Variants in TEKT3 observed in about 807,000 individuals in gnomAD.
The protein encoded by TEKT3 is tektin-3.
Under a neutral mutation model 49.8 loss-of-function variants are expected in TEKT3, and 49 were observed. The ratio of observed to expected loss-of-function variants is 0.98; its 90% CI spans 0.78 to 1.25. The LOEUF is 1.25. Among genes scored for constraint, TEKT3 ranks in the 50% most tolerant of loss-of-function variants. The pLI is 0.00. For missense variants in TEKT3, 595 were observed against 629.5 expected, an observed-to-expected ratio of 0.95 and a Z score of 0.59; for synonymous variants, 225 against 237.2, an observed-to-expected ratio of 0.95 and a Z score of 0.47.
intron 6 of TEKT3, 25 bp from the exon 7 acceptor site, chr17:15,312,506 CA>C: frequency 6.2e-7 from 1 of 1,605,444 alleles, no homozygotes; most frequent in African/African-American, 1.3e-5. Flanking sequence ...CAGAAGCAGA[CA>C]ACAGTGAGAG....
chr17:15,306,503 A>G (rs567267917), intron 8 of TEKT3, among the ~76,000 whole-genome samples: 1 of 152,138 alleles, frequency 6.6e-6, no homozygotes, highest in African/African-American at 2.4e-5. Flanking sequence ...AAATAGACAT[A>G]CCATGAAGTC....
chr17:15,317,096 C>T (rs942257434), intron 5 of TEKT3, among the ~76,000 whole-genome samples: 1 of 152,126 alleles, frequency 6.6e-6, no homozygotes, highest in Non-Finnish European at 1.5e-5. Context: ...CAGTGGCCGC[C>T]CCACAAATCC....
intron 2 of TEKT3, among the ~76,000 whole-genome samples, chr17:15,332,071 C>A (rs1019142554): frequency 3.5e-5 from 5 of 144,176 alleles, no homozygotes; most frequent in African/African-American, 7.9e-5. Context: ...CCCATCTACT[C>A]AGGAGGCTGA....
intron 7 of TEKT3, among the ~76,000 whole-genome samples, chr17:15,309,064 C>T (rs1221312275): frequency 6.6e-6 from 1 of 152,126 alleles, no homozygotes; most frequent in East Asian, 1.9e-4. Flanking sequence ...GGCTTGGCAA[C>T]CTCATTTTGG....
intron 7 of TEKT3, 148 bp from the exon 8 acceptor site, chr17:15,308,966 C>T: frequency 1.0e-6 from 1 of 961,136 alleles, no homozygotes; most frequent in Non-Finnish European, 1.5e-6. Context: ...CTATCCTTTC[C>T]AGCCCTGCCC....
At chr17:15,312,710 C>T (rs529643116) in intron 6 of TEKT3, among the ~76,000 whole-genome samples, 2 of 152,256 alleles carry the variant, frequency 1.3e-5, no homozygotes, top group South Asian at 4.2e-4. Context: ...GTTCTTCTGC[C>T]AGTTTCAAGG....
At chr17:15,328,635 A>G (rs1256484803) in intron 3 of TEKT3, among the ~76,000 whole-genome samples, 1 of 152,174 alleles carries the variant, frequency 6.6e-6, no homozygotes, top group Non-Finnish European at 1.5e-5. Flanking sequence ...CCATACTCCT[A>G]TTACTACTTT....
At chr17:15,333,736 ATTTTATTTTATTT>A (rs1034322639) in intron 2 of TEKT3, among the ~76,000 whole-genome samples, 1 of 63,376 alleles carries the variant, frequency 1.6e-5, no homozygotes, top group Non-Finnish European at 2.7e-5. Context: ...ATTTTATTTT[ATTTTATTTTATTT>A]TATTTTATTT....
intron 7 of TEKT3, among the ~76,000 whole-genome samples, chr17:15,309,442 G>A (rs230895): frequency 0.48 from 73,563 of 151,734 alleles, 18,008 homozygotes; most frequent in South Asian, 0.53. Context: ...CCCAAATTGC[G>A]TAAACATGGA....
chr17:15,326,165 G>A (rs961784283), intron 4 of TEKT3, among the ~76,000 whole-genome samples: 23 of 152,184 alleles, frequency 1.5e-4, no homozygotes, highest in Non-Finnish European at 2.2e-4. Context: ...GCAGGGTGTT[G>A]ATGCCGTGTG....
At chr17:15,332,236 A>G (rs1286691009) in intron 2 of TEKT3, among the ~76,000 whole-genome samples, 1 of 152,182 alleles carries the variant, frequency 6.6e-6, no homozygotes, top group Non-Finnish European at 1.5e-5. Flanking sequence ...AAACCATGAT[A>G]GACTAATAAA....
upstream of TEKT3, among the ~76,000 whole-genome samples, chr17:15,342,357 A>T (rs1912260580): frequency 6.6e-6 from 1 of 152,242 alleles, no homozygotes; most frequent in Non-Finnish European, 1.5e-5. Context: ...TCCATGAGGC[A>T]GCAGTCTAAC....
chr17:15,331,101 T>C lies in TEKT3; in HGVS notation c.485A>G (p.His162Arg), dbSNP rs1911709391. 1.2e-6 allele frequency: 2 copies of C among 1,614,088 alleles called. No individual in the cohort carries two copies. The highest frequency in any genetic ancestry group is 1.3e-5 in the African/African-American group (1 of 74,932). Residue 162 changes from histidine to arginine, a missense_variant, in exon 3 of 9, where the codon CAT (histidine) becomes CGT (arginine). Physicochemically the swap from His to Arg is conservative, Grantham distance 29. Transcript: ENST00000395930. ...CTCTCCAATCATTTCATCCAACTCA[T>C]GAATGATTTCAGATTTCCAAAACCC... ...DIGFWKSEIIHELDEMIGETN... is the reference protein window; with the variant it reads ...DIGFWKSEIIRELDEMIGETN...
chr17:15,330,503 C>T (rs1201376441), intron 3 of TEKT3, among the ~76,000 whole-genome samples: 1 of 152,114 alleles, frequency 6.6e-6, no homozygotes, highest in East Asian at 1.9e-4. Flanking sequence ...CACCCTCCCC[C>T]GTTCTCTCTT....
rs955421614 is a variant in TEKT3 at position 15,307,066 on chromosome 17, G to A, written c.1256+1598C>T. 2.6e-5 allele frequency: 4 copies of A among 152,256 alleles called. No individual in the cohort carries two copies. In the East Asian group the frequency reaches 7.7e-4, roughly 29 times the overall value. 9.4% of individuals were successfully genotyped at this position (152,256 alleles called of 1,614,324 possible). On this transcript the variant is annotated intron_variant, in intron 8 of 8. Transcript: ENST00000395930. ...GAGAAATACAACTCATCCTGGAAAT[G>A]AAGATCATTTGCGTACAACCTAAAG...
At chr17:15,338,819 C>A (rs1912109372) in intron 2 of TEKT3, among the ~76,000 whole-genome samples, 1 of 151,700 alleles carries the variant, frequency 6.6e-6, no homozygotes, top group South Asian at 2.1e-4. Flanking sequence ...CCCAGCCAGT[C>A]AATTCTTAAG....
intron 4 of TEKT3, 99 bp from the exon 5 acceptor site, chr17:15,319,246 C>A (rs1911150961): frequency 5.0e-6 from 5 of 999,380 alleles, no homozygotes; most frequent in Non-Finnish European, 7.3e-6. Context: ...AATTTTGTTT[C>A]TTAAAATACT....
intron 2 of TEKT3, among the ~76,000 whole-genome samples, chr17:15,331,837 G>C (rs1266896737): frequency 6.6e-6 from 1 of 151,674 alleles, no homozygotes; most frequent in African/African-American, 2.4e-5. Flanking sequence ...CATTTTTATT[G>C]GCCATTTGGA....
intron 2 of TEKT3, among the ~76,000 whole-genome samples, chr17:15,333,354 T>C (rs1478667521): frequency 6.6e-6 from 1 of 152,240 alleles, no homozygotes; most frequent in Non-Finnish European, 1.5e-5. Flanking sequence ...AATCTATCTG[T>C]AGAATTGCGT....
Sources: allele counts gnomAD v4.1 joint callset (sites outside exome capture counted in the v4.1 genomes callset), GRCh38; gene constraint gnomAD v4.1.1; transcripts MANE v1.5; gene names NCBI Gene and HGNC (gene_info 2026-07-23, HGNC 2026-07-21).